Variants in FRYL observed in about 807,000 individuals in gnomAD.
FRYL encodes the protein protein furry homolog-like.
A neutral mutation model predicts 351.2 loss-of-function variants in FRYL; 150 were observed. The observed-to-expected ratio is 0.43, with a 90% CI of 0.37 to 0.49. The LOEUF (loss-of-function observed/expected upper bound fraction) is 0.49, where lower values mean the gene tolerates loss of function less well. FRYL is among the 20% of genes least tolerant of loss of function. The probability of loss-of-function intolerance (pLI) is 0.00; values close to 1 mark genes in which losing one functional copy is unlikely to be tolerated. For missense variants in FRYL, 3,036 were observed against 3,619.3 expected (o/e 0.84, Z 4.13); for synonymous variants, 1,153 against 1,257.1 (o/e 0.92, Z 1.75).
At chr4:48,736,785 G>A (rs1771460464) in intron 1 of FRYL, among the ~76,000 whole-genome samples, 1 of 141,498 alleles carries the variant, frequency 7.1e-6, no homozygotes, top group South Asian at 2.3e-4. Context: ...AGGAGGCGGA[G>A]GTTGCAGTGA....
chr4:48,742,250 G>A (rs141400218), intron 1 of FRYL, among the ~76,000 whole-genome samples: 9 of 152,242 alleles, frequency 5.9e-5, no homozygotes, highest in East Asian at 1.9e-4. Flanking sequence ...AAAGTCTGAC[G>A]TTAATTTTTA....
intron 3 of FRYL, among the ~76,000 whole-genome samples, chr4:48,651,855 A>C (rs1234337391): frequency 1.5e-4 from 23 of 152,218 alleles, no homozygotes; most frequent in Admixed American, 1.5e-3. Context: ...GTGAAATAAA[A>C]ACGTTCTTCC....
At chr4:48,575,001 G>T in intron 25 of FRYL, 116 bp downstream of exon 25, 2 of 792,814 alleles carry the variant, frequency 2.5e-6, no homozygotes, top group East Asian at 2.6e-5. Flanking sequence ...AGTCAGGCCT[G>T]GTATGCGGTC....
rs1199407131 is a variant in FRYL, at chr4:48,531,198, C to A, written c.6861G>T (p.Glu2287Asp). The A allele has an allele frequency of 6.2e-7, 1 of 1,611,420 alleles. No individual in the cohort carries two copies. Among genetic ancestry groups the A allele is most frequent in the East Asian group, 2.2e-5 (1 of 44,854 alleles). The change falls in exon 50 of 64, where the codon GAG (glutamate) becomes GAT (aspartate). Residue 2287 changes from glutamate (E) to aspartate (D), a missense_variant. Physicochemically the swap from Glu to Asp is conservative, Grantham distance 45. Transcript: ENST00000358350. ...FTKIFNNVSK[E>D]LPGKTLDFHF... ...GAAAATCTAAGGTCTTCCCAGGCAA[C>A]TCCTTAGAAACATTATTAAAAATTT...
rs780378416 is a variant in FRYL, at chr4:48,557,583, T to TCGG, written c.3994_3995insCCG (p.Asp1331_Glu1332insAla). ...GTCTTTTAAGGAATCATCTTCATCTTCATCATGTCGCCTTGCTGTGGGGAG... is the reference window on the plus strand; with the variant it reads ...GTCTTTTAAGGAATCATCTTCATCTTCGGCATCATGTCGCCTTGCTGTGGGGAG... On this transcript the variant is annotated inframe_insertion, in exon 34 of 64. Transcript: ENST00000358350. 1.6e-4 allele frequency: 257 copies of TCGG among 1,614,080 alleles called. No individual in the cohort carries two copies. Among genetic ancestry groups the TCGG allele is most frequent in the Non-Finnish European group, 2.0e-4 (236 of 1,180,052 alleles).
At chr4:48,768,183 T>C (rs900684695) in intron 1 of FRYL, among the ~76,000 whole-genome samples, 4 of 152,194 alleles carry the variant, frequency 2.6e-5, no homozygotes, top group Admixed American at 6.5e-5. Flanking sequence ...TTCCAGCATA[T>C]TGCAACACAC....
rs1351829216 is a variant in FRYL, at chr4:48,497,644, G to A, written c.*1778C>T. The A allele has an allele frequency of 3.9e-5, 6 of 152,620 alleles. No homozygotes were observed. The highest frequency in any genetic ancestry group is 8.8e-5 in the Non-Finnish European group (6 of 68,026). 9.5% of individuals were successfully genotyped at this position (152,620 alleles called of 1,614,324 possible). A position where few individuals can be genotyped will look rare whatever the true frequency, so the allele number is the denominator to read the frequency against. ...AAAACAGAGGACAGTAAGATAGGAT[G>A]TAAAGTGTGATGTATCTCTGGACAC... On this transcript the variant is annotated 3_prime_UTR_variant, in exon 64 of 64. Transcript: ENST00000358350.
intron 3 of FRYL, among the ~76,000 whole-genome samples, chr4:48,644,442 A>G (rs1755964401): frequency 6.6e-6 from 1 of 151,656 alleles, no homozygotes; most frequent in Non-Finnish European, 1.5e-5. Context: ...ATATCAGAAC[A>G]TAATATAACA....
At position 48,606,562 on chromosome 4, in the gene FRYL, A is replaced by C. The variant is rs772001147; in HGVS notation, c.617T>G (p.Leu206Arg). 1 of 1,612,902 alleles carries C rather than the reference A, an allele frequency of 6.2e-7. No individual in the cohort carries two copies. Among genetic ancestry groups the C allele is most frequent in the Non-Finnish European group, 8.5e-7 (1 of 1,179,164 alleles). Residue 206 changes from leucine to arginine, a missense_variant, in exon 10 of 64, where the codon CTG becomes CGG. Physicochemically the swap from Leu to Arg is moderately radical, Grantham distance 102 (BLOSUM62 -2). This residue lies in a region of FRYL where 457 missense variants were observed against 566.6 expected (regional missense o/e 0.81). Coordinates refer to ENST00000358350, the MANE Select transcript of FRYL (RefSeq NM_015030.2). ...ATGTGGGCTTTGTTCCTTTTGTCGC[A>C]GTTCTTTTAATTCTGTCACAAACTT... is the stretch of plus-strand genomic sequence containing the variant. ...RKKFVTELKE[L>R]RQKEQSPHVV...
At chr4:48,729,633 C>A (rs189165423) in intron 1 of FRYL, among the ~76,000 whole-genome samples, 31 of 152,312 alleles carry the variant, frequency 2.0e-4, no homozygotes, top group African/African-American at 6.7e-4. Flanking sequence ...CAAACTCCAA[C>A]ACATCTGCAG....
At chr4:48,741,469 C>T (rs1221554222) in intron 1 of FRYL, among the ~76,000 whole-genome samples, 1 of 151,984 alleles carries the variant, frequency 6.6e-6, no homozygotes, top group African/African-American at 2.4e-5. Context: ...CAACCCGTGA[C>T]GTGGAGGTTG....
At chr4:48,750,981 C>T (rs1432340047) in intron 1 of FRYL, among the ~76,000 whole-genome samples, 1 of 152,164 alleles carries the variant, frequency 6.6e-6, no homozygotes, top group Non-Finnish European at 1.5e-5. Context: ...GAACTGACTT[C>T]AGGCTGAGCA....
chr4:48,502,903 T>C, intron 60 of FRYL, 58 bp from the exon 61 acceptor site: 2 of 1,417,290 alleles, frequency 1.4e-6, no homozygotes, highest in Non-Finnish European at 9.9e-7. Flanking sequence ...GACCAAGAAT[T>C]AGTGTAAGAA....
At chr4:48,581,737 C>T (rs1740940879) in intron 20 of FRYL, 132 bp from the exon 21 acceptor site, 6 of 662,292 alleles carry the variant, frequency 9.1e-6, no homozygotes, top group East Asian at 2.9e-5. Context: ...CAATGTAAAT[C>T]GCATGTATTT....
intron 3 of FRYL, among the ~76,000 whole-genome samples, chr4:48,671,026 C>T (rs1285598707): frequency 2.0e-5 from 3 of 152,192 alleles, no homozygotes; most frequent in Non-Finnish European, 4.4e-5. Context: ...AACCTCCGTA[C>T]AGTTCTCCAT....
chr4:48,675,482 C>T lies in FRYL; in HGVS notation c.-81+9191G>A, dbSNP rs933677377. On this transcript the variant is annotated intron_variant, in intron 3 of 63. Transcript: ENST00000358350. ...CCCAGGCAATGAGGGACTTAGCACC[C>T]GGGCCAGCGGCTGCGGAGGGTGTAC... Among the ~76,000 whole-genome samples the T allele has an allele frequency of 1.1e-4, 17 of 152,344 alleles. No homozygotes were observed. In the East Asian group the frequency reaches 2.1e-3, roughly 19 times the overall value.
At chr4:48,714,534 A>C (rs879919088) in intron 1 of FRYL, among the ~76,000 whole-genome samples, 3,820 of 149,336 alleles carry the variant, frequency 0.026, 58 homozygotes, top group Admixed American at 0.044. Flanking sequence ...GAAATGGATA[A>C]ATTCCTCGAC....
chr4:48,652,178 A>C (rs1165259828), intron 3 of FRYL, among the ~76,000 whole-genome samples: 1 of 152,230 alleles, frequency 6.6e-6, no homozygotes, highest in Admixed American at 6.5e-5. Context: ...AATGGCCATA[A>C]AACAGGATAA....
intron 3 of FRYL, among the ~76,000 whole-genome samples, chr4:48,635,164 G>T (rs1753972928): frequency 1.3e-5 from 2 of 152,176 alleles, no homozygotes; most frequent in African/African-American, 4.8e-5. Flanking sequence ...AGTCACAGAA[G>T]ATCTTTAAGA....
Sources: gnomAD v4.1 joint callset for allele counts (sites outside exome capture counted in the v4.1 genomes callset) on GRCh38, gnomAD v4.1.1 for gene constraint, gnomAD v4.1.1 regional missense constraint, MANE v1.5 for transcripts, NCBI Gene and HGNC (gene_info 2026-07-23, HGNC 2026-07-21) for gene names.